ATAD3C: variants seen among roughly 807,000 people sequenced by gnomAD.
The protein encoded by ATAD3C is ATPase family AAA domain containing 3C.
Under a neutral mutation model 46.3 loss-of-function variants are expected in ATAD3C, and 38 were observed. The observed-to-expected ratio is 0.82, with a 90% CI of 0.63 to 1.08. ATAD3C has a LOEUF of 1.08. ATAD3C is among the 50% of genes least tolerant of loss of function. The pLI, the probability that ATAD3C is intolerant of heterozygous loss-of-function variation, is 0.00. For missense variants in ATAD3C, 563 were observed against 572.7 expected (o/e 0.98, Z 0.17); for synonymous variants, 220 against 236.4 (o/e 0.93, Z 0.63).
chr1:1,466,501 C>T (rs532000975), intron 11 of ATAD3C, among the ~76,000 whole-genome samples: 10 of 136,068 alleles, frequency 7.3e-5, no homozygotes, highest in Non-Finnish European at 1.1e-4. Flanking sequence ...TGCAGTGAGC[C>T]GAGATGCCTG....
In ATAD3C at chr1:1,460,069, ATTT is replaced by A. The variant is rs746685483; in HGVS notation, c.813-664_813-662del. 4.1e-3 allele frequency among the ~76,000 whole-genome samples: 505 copies of A among 124,232 alleles called. 2 individuals carry two copies. Among genetic ancestry groups the A allele is most frequent in the African/African-American group, 0.014 (467 of 32,630 alleles). The allele number at this position is 124,232 out of a possible 152,430, so 81.5% of individuals were successfully genotyped here. A position where few individuals can be genotyped will look rare whatever the true frequency, so the allele number is the denominator to read the frequency against. Reference sequence around the variant, plus strand: ...TCCTGCTCCTGGCTCGCGTGGCAGTATTTTTTTTTTTTTTTTTTTGAGATGGAG... The same window carrying A: ...TCCTGCTCCTGGCTCGCGTGGCAGTATTTTTTTTTTTTTTTTGAGATGGAG... On this transcript the variant is annotated intron_variant, in intron 9 of 11. Transcript: ENST00000378785.
At chr1:1,460,721 G>A (rs953197597) in intron 9 of ATAD3C, 29 bp from the exon 10 acceptor site, 3 of 1,577,966 alleles carry the variant, frequency 1.9e-6, no homozygotes, top group African/African-American at 1.4e-5. Context: ...GGCAGCCCCA[G>A]CGTTTCCTTC....
chr1:1,452,797 C>CA (rs150422909), intron 3 of ATAD3C, among the ~76,000 whole-genome samples: 7,709 of 125,592 alleles, frequency 0.061, 494 homozygotes, highest in East Asian at 0.33. Flanking sequence ...GGCTCCTTCT[C>CA]AAAAAAAAAA....
At position 1,460,750 on chromosome 1, in the gene ATAD3C, A is replaced by G. The variant is rs763959056; in HGVS notation, c.813A>G (p.Lys271=). 15 of 1,603,648 alleles carry G rather than the reference A, an allele frequency of 9.4e-6. No homozygotes were observed. In the Admixed American group the frequency reaches 1.4e-4, roughly 14 times the overall value. The change falls in exon 10 of 12, where the codon AAA becomes AAG. Residue 271 remains lysine (K), a splice_region_variant and synonymous_variant. Transcript: ENST00000378785. ...FLYRTGQHSN[K]FMLILASCHP... ...TTCCTTCCCCATCCCCGCCCCGCAG[A>G]TTCATGCTGATCCTGGCCAGCTGCC... is the stretch of plus-strand genomic sequence containing the variant.
In ATAD3C at chr1:1,468,436, C is replaced by A. The variant is rs758062650; in HGVS notation, c.1142C>A (p.Ala381Asp). 6.2e-7 allele frequency: 1 copy of A among 1,613,162 alleles called. No individual in the cohort carries two copies. Among genetic ancestry groups the A allele is most frequent in the East Asian group, 2.2e-5 (1 of 44,858 alleles). The change falls in exon 12 of 12, where the codon GCC becomes GAC. Residue 381 changes from alanine to aspartate, a missense_variant. Ala to Asp is a moderately radical substitution (Grantham distance 126). This residue lies in a region of ATAD3C where 273 missense variants were observed against 253.5 expected (regional missense o/e 1.08). Transcript: ENST00000378785. ...DGVLTEAMMD[A>D]CVQDFVQQHQ... Reference sequence around the variant, plus strand: ...GTCCTGACCGAGGCCATGATGGACGCCTGCGTGCAAGACTTTGTCCAGCAG... The same window carrying A: ...GTCCTGACCGAGGCCATGATGGACGACTGCGTGCAAGACTTTGTCCAGCAG...
At chr1:1,453,014 C>G (rs1026362534) in intron 3 of ATAD3C, among the ~76,000 whole-genome samples, 1 of 151,980 alleles carries the variant, frequency 6.6e-6, no homozygotes, top group Non-Finnish European at 1.5e-5. Context: ...CCCCACCCCG[C>G]CCAGCACACA....
rs1428163330 is a variant in ATAD3C, at chr1:1,459,914, C to T, written c.812+683C>T. 6.6e-6 allele frequency among the ~76,000 whole-genome samples: 1 copy of T among 152,014 alleles called. No individual in the cohort carries two copies. The highest frequency in any genetic ancestry group is 2.1e-4 in the South Asian group (1 of 4,820). ...AGTCCTGCTGGTCGGCCGTGGCTGA[C>T]TCCTCAGGCACGTTGGGCTCCTGGG... On this transcript the variant is annotated intron_variant, in intron 9 of 11. Coordinates refer to ENST00000378785, the MANE Select transcript of ATAD3C (RefSeq NM_001039211.3). The surrounding 1 kb of genome is among the most constrained non-coding windows in gnomAD (Gnocchi z 4.9).
Position 1,462,039 on chromosome 1 carries a change from A to T in ATAD3C, c.981-561A>T, listed in dbSNP as rs576854401. On this transcript the variant is annotated intron_variant, in intron 10 of 11. Coordinates refer to ENST00000378785, the MANE Select transcript of ATAD3C (RefSeq NM_001039211.3). This position sits in a 1 kb window ranked among gnomAD's most constrained non-coding sequence, Gnocchi z 4.5. ...GGCTGCTCTACTTCTTGGCGTCCCC[A>T]GGGCCCCGGTTTCTGAGTCCTTCTG... Among the ~76,000 whole-genome samples, 1 of 149,540 alleles carries T rather than the reference A, an allele frequency of 6.7e-6. No individual in the cohort carries two copies. The highest frequency in any genetic ancestry group is 2.6e-5 in the African/African-American group (1 of 39,064).
chr1:1,460,668 G>T, intron 9 of ATAD3C, 82 bp from the exon 10 acceptor site: 1 of 1,445,118 alleles, frequency 6.9e-7, no homozygotes. Context: ...AAGTCTTCCT[G>T]AGGGGGCTGA....
chr1:1,454,584 TC>T, intron 4 of ATAD3C, 84 bp downstream of exon 4: 1 of 1,494,002 alleles, frequency 6.7e-7, no homozygotes, highest in Admixed American at 2.2e-5. Context: ...ACGCATATAC[TC>T]CTGTCCCTTC....
chr1:1,455,263 G>C (rs541651944), intron 4 of ATAD3C, among the ~76,000 whole-genome samples, 197 bp from the exon 5 acceptor site: 1 of 143,376 alleles, frequency 7.0e-6, no homozygotes, highest in Non-Finnish European at 1.5e-5. Flanking sequence ...AAGAGAAGCC[G>C]ATAAGAAACC....
intron 5 of ATAD3C, 136 bp downstream of exon 5, chr1:1,455,655 G>T: frequency 6.4e-7 from 1 of 1,559,670 alleles, no homozygotes; most frequent in Middle Eastern, 1.7e-4. Flanking sequence ...GGACCGTGCC[G>T]GGGATAGATA....
chr1:1,468,328 A>G lies in ATAD3C; in HGVS notation c.1090-56A>G. 6 of 1,567,688 alleles carry G rather than the reference A, an allele frequency of 3.8e-6. 1 individual carries two copies. The highest frequency in any genetic ancestry group is 5.2e-6 in the Non-Finnish European group (6 of 1,159,728). ...TCCCCACCTCAGGGCCCTGGCGTGC[A>G]TTTGGGGTGGGGGGTTCCCATGGCG... is the stretch of plus-strand genomic sequence containing the variant. On this transcript the variant is annotated intron_variant, in intron 11 of 11. Coordinates refer to ENST00000378785, the MANE Select transcript of ATAD3C (RefSeq NM_001039211.3).
intron 3 of ATAD3C, among the ~76,000 whole-genome samples, chr1:1,453,722 C>T (rs1049344674): frequency 6.6e-6 from 1 of 151,108 alleles, no homozygotes; most frequent in Non-Finnish European, 1.5e-5. Flanking sequence ...TCACTGCAAC[C>T]TCCGACTCGC....
intron 5 of ATAD3C, 130 bp downstream of exon 5, chr1:1,455,649 C>G: frequency 6.4e-7 from 1 of 1,561,232 alleles, no homozygotes; most frequent in East Asian, 2.3e-5. Context: ...CTGCTTGGAC[C>G]GTGCCGGGGA....
intron 9 of ATAD3C, among the ~76,000 whole-genome samples, chr1:1,460,256 T>C (rs1031228445): frequency 1.3e-5 from 2 of 151,862 alleles, no homozygotes; most frequent in Admixed American, 6.6e-5. Flanking sequence ...GTATTTTTTC[T>C]TTTTTAGTAG....
At position 1,460,707 on chromosome 1, in the gene ATAD3C, G is replaced by T. The variant is rs557042682; in HGVS notation, c.813-43G>T. 7.1e-5 allele frequency: 110 copies of T among 1,551,936 alleles called. 1 individual carries two copies. Among genetic ancestry groups the T allele is most frequent in the Non-Finnish European group, 9.3e-5 (107 of 1,148,366 alleles). On this transcript the variant is annotated intron_variant, in intron 9 of 11. Coordinates refer to ENST00000378785, the MANE Select transcript of ATAD3C (RefSeq NM_001039211.3). Reference sequence around the variant, plus strand: ...GCACCTGTTCCCCTGGGGACAGCTCGGCCGGCAGCCCCAGCGTTTCCTTCC... The same window carrying T: ...GCACCTGTTCCCCTGGGGACAGCTCTGCCGGCAGCCCCAGCGTTTCCTTCC...
chr1:1,453,489 A>G (rs1424125806), intron 3 of ATAD3C, among the ~76,000 whole-genome samples: 1 of 151,886 alleles, frequency 6.6e-6, no homozygotes, highest in Non-Finnish European at 1.5e-5. Flanking sequence ...GGTGTGTACC[A>G]CCATGCCCGG....
chr1:1,460,817 G>A lies in ATAD3C; in HGVS notation c.880G>A (p.Val294Met), dbSNP rs201260974. The A allele has an allele frequency of 4.9e-4, 788 of 1,612,968 alleles. 10 individuals are homozygous for A. In the African/African-American group the frequency reaches 6.6e-3, roughly 14 times the overall value. ...FDWAINACID[V>M]MVHFDLPGQE... ...CTGGGCCATCAATGCCTGCATCGACGTGATGGTCCACTTCGACCTGCCAGG... is the reference window on the plus strand; with the variant it reads ...CTGGGCCATCAATGCCTGCATCGACATGATGGTCCACTTCGACCTGCCAGG... The change falls in exon 10 of 12, where the codon GTG (valine) becomes ATG (methionine). Residue 294 changes from valine (V) to methionine (M), a missense_variant. This residue lies in a region of ATAD3C where 273 missense variants were observed against 253.5 expected (regional missense o/e 1.08). Coordinates refer to ENST00000378785, the MANE Select transcript of ATAD3C (RefSeq NM_001039211.3).
Sources: allele counts gnomAD v4.1 joint callset (sites outside exome capture counted in the v4.1 genomes callset), GRCh38; gene constraint gnomAD v4.1.1; regional missense constraint gnomAD v4.1.1; non-coding constraint Gnocchi (gnomAD v3.1); transcripts MANE v1.5; gene names NCBI Gene and HGNC (gene_info 2026-07-23, HGNC 2026-07-21).